CDC27: variants seen among roughly 807,000 people sequenced by gnomAD.
CDC27 encodes cell division cycle 27.
In CDC27, 27 loss-of-function variants were observed where a neutral mutation model predicts 109.7. The ratio of observed to expected loss-of-function variants is 0.25; its 90% CI spans 0.18 to 0.34. The LOEUF is 0.34. CDC27 is among the 10% of genes least tolerant of loss of function. The pLI is 1.00. For missense variants in CDC27, 579 were observed against 960.2 expected (o/e 0.60, Z 5.25); for synonymous variants, 266 against 333.9 (o/e 0.80, Z 2.22).
intron 15 of CDC27, 114 bp from the exon 16 acceptor site, chr17:47,129,635 T>C: frequency 1.6e-6 from 1 of 616,450 alleles, no homozygotes; most frequent in Non-Finnish European, 2.8e-6. Context: ...GGTTGTAGGG[T>C]CTAACTGGAT....
chr17:47,140,845 C>T (rs2062772701), intron 12 of CDC27, among the ~76,000 whole-genome samples: 1 of 152,102 alleles, frequency 6.6e-6, no homozygotes, highest in Non-Finnish European at 1.5e-5. Context: ...GAATAGGTAT[C>T]CTCTGTATGT....
At chr17:47,188,743 T>C in intron 1 of CDC27, 2 of 1,031,738 alleles carry the variant, frequency 1.9e-6, no homozygotes, top group Non-Finnish European at 2.3e-6. Context: ...AAACTTGCCC[T>C]ACCGTCACGA....
At chr17:47,147,185 G>A (rs2062986049) in intron 9 of CDC27, among the ~76,000 whole-genome samples, 1 of 151,996 alleles carries the variant, frequency 6.6e-6, no homozygotes, top group Non-Finnish European at 1.5e-5. Flanking sequence ...CGGATCACGA[G>A]GTCAGGAGAT....
At chr17:47,183,269 G>C (rs2064310557) in intron 1 of CDC27, among the ~76,000 whole-genome samples, 1 of 152,114 alleles carries the variant, frequency 6.6e-6, no homozygotes, top group Admixed American at 6.6e-5. Context: ...TCTGGTTACT[G>C]ATCACTAGCT....
Position 47,122,436 on chromosome 17 carries a change from AT to A in CDC27, c.2392+7del. 1.3e-6 allele frequency: 2 copies of A among 1,572,206 alleles called. No homozygotes were observed. The highest frequency in any genetic ancestry group is 1.7e-6 in the Non-Finnish European group (2 of 1,156,422). On this transcript the variant is annotated splice_region_variant and intron_variant, in intron 18 of 18. Coordinates refer to ENST00000066544, the MANE Select transcript of CDC27 (RefSeq NM_001256.6). ...CTAAATACTCAAAATCATATGTATGATACTTACTGATCTGTTCTTCTTGGGT... is the reference window on the plus strand; with the variant it reads ...CTAAATACTCAAAATCATATGTATGAACTTACTGATCTGTTCTTCTTGGGT...
chr17:47,158,408 ACT>A, intron 4 of CDC27, 105 bp from the exon 5 acceptor site: 1 of 446,732 alleles, frequency 2.2e-6, no homozygotes, highest in Non-Finnish European at 3.8e-6. Flanking sequence ...TTCAGAGAGC[ACT>A]CTTTGTGATG....
At chr17:47,187,105 T>C (rs1277348995) in intron 1 of CDC27, among the ~76,000 whole-genome samples, 1 of 152,190 alleles carries the variant, frequency 6.6e-6, no homozygotes, top group Admixed American at 6.5e-5. Flanking sequence ...CCTAGTCATA[T>C]CCTAAAACTT....
At chr17:47,145,188 A>C (rs1309353852) in intron 9 of CDC27, among the ~76,000 whole-genome samples, 1 of 152,240 alleles carries the variant, frequency 6.6e-6, no homozygotes, top group Admixed American at 6.5e-5. Flanking sequence ...ACAATAGGCA[A>C]AACATTTCCG....
At chr17:47,178,567 A>G (rs966521815) in intron 2 of CDC27, among the ~76,000 whole-genome samples, 2 of 137,618 alleles carry the variant, frequency 1.5e-5, no homozygotes, top group Admixed American at 7.3e-5. Context: ...AAAAAAAAAA[A>G]ACCCTGAAAA....
intron 4 of CDC27, chr17:47,159,944 C>G: frequency 2.8e-6 from 1 of 352,576 alleles, no homozygotes; most frequent in Non-Finnish European, 5.4e-6. Context: ...GCCTCGGTCC[C>G]GGCCCCATCC....
chr17:47,163,964 G>A (rs1214799786), intron 4 of CDC27, among the ~76,000 whole-genome samples: 1 of 152,066 alleles, frequency 6.6e-6, no homozygotes, highest in Non-Finnish European at 1.5e-5. Context: ...GGGTTTCACC[G>A]TGTTGGCCAG....
In CDC27 at chr17:47,151,930, G is replaced by A. The variant is rs372057526; in HGVS notation, c.958-12C>T. 4.2e-5 allele frequency: 67 copies of A among 1,602,910 alleles called. No homozygotes were observed. The highest frequency in any genetic ancestry group is 3.3e-4 in the Middle Eastern group (2 of 6,056). On this transcript the variant is annotated splice_polypyrimidine_tract_variant and intron_variant, in intron 8 of 18. Coordinates refer to ENST00000066544, the MANE Select transcript of CDC27 (RefSeq NM_001256.6). ...ATTCTGGCAACAGACTGTAAAACAC[G>A]AAAAGTCTAAGGTTTGTGAATTATG...
At chr17:47,137,844 G>A (rs535007853) in intron 13 of CDC27, among the ~76,000 whole-genome samples, 13 of 150,082 alleles carry the variant, frequency 8.7e-5, no homozygotes, top group East Asian at 7.8e-4. Flanking sequence ...TCTGTTGTCC[G>A]GGCTGGAGGG....
At chr17:47,158,975 C>T (rs1182991996) in intron 4 of CDC27, among the ~76,000 whole-genome samples, 1 of 152,198 alleles carries the variant, frequency 6.6e-6, no homozygotes, top group Non-Finnish European at 1.5e-5. Context: ...AGGTCTCGAA[C>T]TCATGAGCTC....
intron 16 of CDC27, among the ~76,000 whole-genome samples, chr17:47,128,744 T>C (rs11570557): frequency 0.082 from 12,494 of 151,792 alleles, 584 homozygotes; most frequent in African/African-American, 0.12. Context: ...CACACATTCG[T>C]TTTCTTTTTC....
intron 1 of CDC27, among the ~76,000 whole-genome samples, chr17:47,187,538 G>A (rs2064489263): frequency 6.6e-6 from 1 of 152,006 alleles, no homozygotes; most frequent in Admixed American, 6.6e-5. Flanking sequence ...CTGACCTCAG[G>A]TGATCCACCC....
chr17:47,170,207 T>G, intron 3 of CDC27, 165 bp from the exon 4 acceptor site: 2 of 486,894 alleles, frequency 4.1e-6, no homozygotes, highest in South Asian at 6.6e-5. Context: ...TCTGTCTTCC[T>G]TTCTTTAAAG....
rs1309071694 is a variant in CDC27 at position 47,119,124 on chromosome 17, A to C, written c.*1811T>G. On this transcript the variant is annotated 3_prime_UTR_variant, in exon 19 of 19. Coordinates refer to ENST00000066544, the MANE Select transcript of CDC27 (RefSeq NM_001256.6). ...CTTTGCCAATTAAAAAAATAAAAGAATCTAAAATTAAATATTACAGAACTA... is the reference window on the plus strand; with the variant it reads ...CTTTGCCAATTAAAAAAATAAAAGACTCTAAAATTAAATATTACAGAACTA... 1 of 152,232 alleles carries C rather than the reference A, an allele frequency of 6.6e-6. No individual in the cohort carries two copies. Among genetic ancestry groups the C allele is most frequent in the Non-Finnish European group, 1.5e-5 (1 of 68,042 alleles). The allele number at this position is 152,232 out of a possible 1,614,324, so 9.4% of individuals were successfully genotyped here. A position where few individuals can be genotyped will look rare whatever the true frequency, so the allele number is the denominator to read the frequency against.
rs772723161 is a variant in CDC27 at position 47,122,523 on chromosome 17, G to A, written c.2313C>T (p.Ala771=). Residue 771 remains alanine (A), a synonymous_variant, in exon 18 of 19, where the codon GCC becomes GCT. Transcript: ENST00000066544. Reference sequence around the variant, plus strand: ...CAATTGCCTCTTTAATCTGGTTATTGGCTCCTTTAGGATCTAAATCCATAG... The same window carrying A: ...CAATTGCCTCTTTAATCTGGTTATTAGCTCCTTTAGGATCTAAATCCATAG... ...SWAMDLDPKG[A]NNQIKEAIDK... is the part of the protein sequence containing the mutation. 1.2e-5 allele frequency: 20 copies of A among 1,611,274 alleles called. No individual in the cohort carries two copies. The highest frequency in any genetic ancestry group is 8.9e-5 in the East Asian group (4 of 44,812).
Sources: allele counts gnomAD v4.1 joint callset (sites outside exome capture counted in the v4.1 genomes callset), GRCh38; gene constraint gnomAD v4.1.1; transcripts MANE v1.5; gene names NCBI Gene and HGNC (gene_info 2026-07-23, HGNC 2026-07-21).